Variants in CAMK2D observed in about 807,000 individuals in gnomAD.
The protein encoded by CAMK2D is calcium/calmodulin dependent protein kinase II delta, also known as calcium/calmodulin-dependent protein kinase type II subunit delta.
A neutral mutation model predicts 84.0 loss-of-function variants in CAMK2D; 37 were observed. The ratio of observed to expected loss-of-function variants is 0.44; its 90% confidence interval spans 0.34 to 0.58. The LOEUF is 0.58. CAMK2D is among the 20% of genes least tolerant of loss of function. The pLI, the probability that CAMK2D is intolerant of heterozygous loss-of-function variation, is 0.02. For missense variants in CAMK2D, 448 were observed against 652.5 expected, an observed-to-expected ratio of 0.69 and a Z score of 3.41; for synonymous variants, 202 against 212.5, an observed-to-expected ratio of 0.95 and a Z score of 0.43.
At chr4:113,574,986 T>C (rs1190231137) in intron 4 of CAMK2D, among the ~76,000 whole-genome samples, 2 of 152,118 alleles carry the variant, frequency 1.3e-5, no homozygotes, top group Non-Finnish European at 2.9e-5. Context: ...AGAAAAAAAA[T>C]GAACACAGCA....
In CAMK2D at chr4:113,603,471, G is replaced by A. The variant is rs1397795387; in HGVS notation, c.275+5681C>T. On this transcript the variant is annotated intron_variant, in intron 4 of 20. Transcript: ENST00000511664. ...ATAAAATTGGAAATCATCATTCTCAGTAAACTATCGCAAGAACAAAAAACC... is the reference window on the plus strand; with the variant it reads ...ATAAAATTGGAAATCATCATTCTCAATAAACTATCGCAAGAACAAAAAACC... Among the ~76,000 whole-genome samples the A allele has an allele frequency of 2.1e-5, 3 of 142,328 alleles. No individual in the cohort carries two copies. In the Admixed American group the frequency reaches 2.2e-4, roughly 11 times the overall value. The allele number at this position is 142,328 out of a possible 152,430, so 93.4% of individuals were successfully genotyped here. A position where few individuals can be genotyped will look rare whatever the true frequency, so the allele number is the denominator to read the frequency against.
In CAMK2D at chr4:113,474,460, T is replaced by G. The variant is rs546772628; in HGVS notation, c.1136-8856A>C. Among the ~76,000 whole-genome samples, 20 of 150,324 alleles carry G rather than the reference T, an allele frequency of 1.3e-4. 1 individual carries two copies. In the South Asian group the frequency reaches 4.0e-3, roughly 30 times the overall value. The stretch of plus-strand genomic sequence containing the variant: ...GAAAAGAGACAATGAGACCAATTAG[T>G]CATAAAGTTTTAAAATATTTGGAAA... On this transcript the variant is annotated intron_variant, in intron 16 of 20. Coordinates refer to ENST00000511664, the MANE Select transcript of CAMK2D (RefSeq NM_001321571.2).
intron 16 of CAMK2D, among the ~76,000 whole-genome samples, chr4:113,493,248 T>C (rs1590114726): frequency 6.6e-6 from 1 of 152,168 alleles, no homozygotes; most frequent in Non-Finnish European, 1.5e-5. Flanking sequence ...CGATGGTCTT[T>C]ACATTTAGGC....
At chr4:113,545,381 T>C (rs1455040580) in intron 6 of CAMK2D, among the ~76,000 whole-genome samples, 1 of 152,212 alleles carries the variant, frequency 6.6e-6, no homozygotes, top group Non-Finnish European at 1.5e-5. Context: ...CAAACATTTC[T>C]ATCGCACATC....
chr4:113,563,641 A>G (rs1276238364), intron 4 of CAMK2D, among the ~76,000 whole-genome samples: 1 of 152,216 alleles, frequency 6.6e-6, no homozygotes, highest in East Asian at 1.9e-4. Flanking sequence ...GATTTCTAAT[A>G]CTGGAGAAGG....
chr4:113,690,081 C>G (rs1338142445), intron 2 of CAMK2D, among the ~76,000 whole-genome samples: 1 of 151,956 alleles, frequency 6.6e-6, no homozygotes, highest in Non-Finnish European at 1.5e-5. Flanking sequence ...CAAAATGAAG[C>G]CAGATCAGGC....
At chr4:113,633,619 C>T (rs961089534) in intron 3 of CAMK2D, among the ~76,000 whole-genome samples, 3 of 152,018 alleles carry the variant, frequency 2.0e-5, no homozygotes, top group African/African-American at 7.3e-5. Context: ...CTGTCATTTC[C>T]AATAGGATAA....
chr4:113,603,773 T>TTATATATATACATA (rs1553997124), intron 4 of CAMK2D, among the ~76,000 whole-genome samples: 23 of 127,994 alleles, frequency 1.8e-4, no homozygotes, highest in African/African-American at 7.5e-4. Flanking sequence ...TCTTGCTATT[T>TTATATATATACATA]TATATATATA....
chr4:113,491,884 C>T (rs1378081324), intron 16 of CAMK2D, among the ~76,000 whole-genome samples: 7 of 151,918 alleles, frequency 4.6e-5, no homozygotes, highest in Non-Finnish European at 1.0e-4. Context: ...GTGTATGTGT[C>T]CAGGAATTTA....
intron 4 of CAMK2D, among the ~76,000 whole-genome samples, chr4:113,565,528 G>A (rs1443715257): frequency 1.3e-5 from 2 of 151,780 alleles, no homozygotes; most frequent in Admixed American, 6.6e-5. Flanking sequence ...GTGCATGCCG[G>A]TAATCCCAGC....
At chr4:113,717,748 C>T (rs763219991) in intron 2 of CAMK2D, among the ~76,000 whole-genome samples, 31 of 151,868 alleles carry the variant, frequency 2.0e-4, no homozygotes, top group Non-Finnish European at 3.8e-4. Flanking sequence ...TTATTTCCTT[C>T]GTAATAGTCT....
chr4:113,662,662 C>T (rs2099239201), intron 2 of CAMK2D, among the ~76,000 whole-genome samples: 1 of 152,288 alleles, frequency 6.6e-6, no homozygotes, highest in Admixed American at 6.5e-5. Context: ...AGTTTAACAC[C>T]ACTGCCTCGA....
intron 3 of CAMK2D, among the ~76,000 whole-genome samples, chr4:113,632,230 T>C (rs912431775): frequency 3.3e-5 from 5 of 152,136 alleles, no homozygotes; most frequent in South Asian, 2.1e-4. Flanking sequence ...TTATCATTAT[T>C]ATTATTATTA....
rs754459263 is a variant in CAMK2D at position 113,513,329 on chromosome 4, T to G, written c.945A>C (p.Ser315=). ...LTTMLATRNF[S]AAKSLLKKPD... ...AAGCAGAGTTCCCAATGCATGTACC[T>G]GAGAAATTCCTTGTAGCCAGCATAG... is the stretch of plus-strand genomic sequence containing the variant. The change falls in exon 12 of 21, where the codon TCA becomes TCC. Residue 315 remains serine, a splice_region_variant and synonymous_variant. Transcript: ENST00000511664. 1 of 1,613,564 alleles carries G rather than the reference T, an allele frequency of 6.2e-7. No individual in the cohort carries two copies. Among genetic ancestry groups the G allele is most frequent in the Admixed American group, 1.7e-5 (1 of 60,026 alleles).
intron 2 of CAMK2D, among the ~76,000 whole-genome samples, chr4:113,697,980 C>G (rs2154345952): frequency 6.6e-6 from 1 of 152,152 alleles, no homozygotes; most frequent in African/African-American, 2.4e-5. Flanking sequence ...TATAGAGTTA[C>G]ATCCCAATAA....
At chr4:113,573,178 AC>A (rs1417358106) in intron 4 of CAMK2D, among the ~76,000 whole-genome samples, 4 of 152,204 alleles carry the variant, frequency 2.6e-5, no homozygotes, top group African/African-American at 4.8e-5. Flanking sequence ...CTTCAAATGT[AC>A]CCCCAAACCT....
intron 3 of CAMK2D, among the ~76,000 whole-genome samples, chr4:113,630,401 G>C (rs1163620141): frequency 1.6e-4 from 25 of 152,122 alleles, no homozygotes; most frequent in Admixed American, 1.6e-3. Flanking sequence ...TGTTCAGTCA[G>C]GGTTCTTAGG....
At chr4:113,627,442 C>T (rs866999468) in intron 3 of CAMK2D, among the ~76,000 whole-genome samples, 9 of 152,146 alleles carry the variant, frequency 5.9e-5, no homozygotes, top group Non-Finnish European at 1.2e-4. Context: ...CCCCTAGTCA[C>T]AACATTTCTG....
chr4:113,709,061 A>G (rs1056188525), intron 2 of CAMK2D, among the ~76,000 whole-genome samples: 1 of 152,084 alleles, frequency 6.6e-6, no homozygotes, highest in Non-Finnish European at 1.5e-5. Flanking sequence ...TAATGGAACT[A>G]AACTATGTGA....
Sources: allele counts gnomAD v4.1 joint callset (sites outside exome capture counted in the v4.1 genomes callset), GRCh38; gene constraint gnomAD v4.1.1; transcripts MANE v1.5; gene names NCBI Gene and HGNC (gene_info 2026-07-23, HGNC 2026-07-21).